OTUD7B: variants seen among roughly 807,000 people sequenced by gnomAD.
OTUD7B encodes OTU deubiquitinase 7B, also known as OTU domain-containing protein 7B.
A neutral mutation model predicts 82.2 loss-of-function variants in OTUD7B; 34 were observed. The ratio of observed to expected loss-of-function variants is 0.41; its 90% CI spans 0.31 to 0.55. OTUD7B has a LOEUF of 0.55. Among genes scored for constraint, OTUD7B ranks in the 20% least tolerant of loss-of-function variants. OTUD7B has a pLI of 0.20. For missense variants in OTUD7B, 944 were observed against 1,062.1 expected, an observed-to-expected ratio of 0.89 and a Z score of 1.55; for synonymous variants, 398 against 402.7, an observed-to-expected ratio of 0.99 and a Z score of 0.14.
At chr1:150,024,581 A>G in the OTUD7B span, among the ~76,000 whole-genome samples, 1 of 152,260 alleles carries the variant, frequency 6.6e-6, no homozygotes, top group African/African-American at 2.4e-5. Context: ...CAAGAATTAT[A>G]AATATATAAA....
chr1:149,950,035 C>T (rs1251460589), intron 8 of OTUD7B, 59 bp downstream of exon 8: 19 of 1,605,704 alleles, frequency 1.2e-5, no homozygotes, highest in Non-Finnish European at 1.6e-5. Flanking sequence ...CAATGCTTAG[C>T]CTAAGGCTTT....
chr1:150,049,189 A>C, the OTUD7B span, among the ~76,000 whole-genome samples: 2 of 152,290 alleles, frequency 1.3e-5, no homozygotes, highest in South Asian at 2.1e-4. Flanking sequence ...TCCAGACAGT[A>C]GTAGTAAAAT....
intron 11 of OTUD7B, among the ~76,000 whole-genome samples, chr1:149,946,822 G>C (rs587757372): frequency 6.6e-6 from 1 of 151,100 alleles, no homozygotes; most frequent in African/African-American, 2.4e-5. Flanking sequence ...GGAGGCTGAG[G>C]CGGGCAGATC....
chr1:149,987,779 C>T (rs974511838), intron 1 of OTUD7B, among the ~76,000 whole-genome samples: 14 of 152,214 alleles, frequency 9.2e-5, no homozygotes, highest in Middle Eastern at 6.3e-3. Context: ...TGTCTTTCAA[C>T]TCAAGCCTTC....
intron 7 of OTUD7B, among the ~76,000 whole-genome samples, chr1:149,951,700 G>C (rs1299297529): frequency 6.6e-6 from 1 of 152,130 alleles, no homozygotes; most frequent in Non-Finnish European, 1.5e-5. Flanking sequence ...TTCTGGGGTG[G>C]AGGTCCAGAA....
intron 11 of OTUD7B, among the ~76,000 whole-genome samples, chr1:149,946,329 C>A (rs1471176488): frequency 6.6e-6 from 1 of 151,926 alleles, no homozygotes; most frequent in African/African-American, 2.4e-5. Flanking sequence ...TGTCATTGCA[C>A]TCCAGCCTGG....
At chr1:149,951,629 T>C (rs1422588331) in intron 7 of OTUD7B, among the ~76,000 whole-genome samples, 2 of 152,120 alleles carry the variant, frequency 1.3e-5, no homozygotes, top group Admixed American at 1.3e-4. Flanking sequence ...TTATTCAATA[T>C]TGGATGCTGA....
chr1:150,058,964 A>G, the OTUD7B span, among the ~76,000 whole-genome samples: 4 of 152,142 alleles, frequency 2.6e-5, no homozygotes, highest in Admixed American at 6.5e-5. Context: ...TCTGTGTTTT[A>G]AAGTAAATAT....
the OTUD7B span, among the ~76,000 whole-genome samples, chr1:150,022,352 C>G: frequency 7.3e-6 from 1 of 137,136 alleles, no homozygotes; most frequent in Admixed American, 8.3e-5. Flanking sequence ...GAGCCAAGAT[C>G]GTGCCATTGC....
chr1:149,968,992 C>T (rs1370120536), intron 3 of OTUD7B, among the ~76,000 whole-genome samples: 14 of 151,968 alleles, frequency 9.2e-5, no homozygotes, highest in African/African-American at 3.4e-4. Context: ...GCTGGGATTA[C>T]AGGCGTGAGC....
At chr1:150,010,167 A>AC in intron 1 of OTUD7B, among the ~76,000 whole-genome samples, 1 of 152,178 alleles carries the variant, frequency 6.6e-6, no homozygotes, top group Non-Finnish European at 1.5e-5. Flanking sequence ...ACAAGGGGGG[A>AC]CCGTCCAAAC....
rs1220689600 is a variant in OTUD7B, at chr1:149,973,858, A to ATT, written c.86-2609_86-2608dup. On this transcript the variant is annotated intron_variant, in intron 2 of 11. Transcript: ENST00000581312. ...ATGAGGTCCTTTTATGCCCCTTCTA[A>ATT]TTTTTTTTTTTTTTTTTGAGATGGA... Among the ~76,000 whole-genome samples the ATT allele has an allele frequency of 3.8e-3, 511 of 132,732 alleles. 9 individuals carry two copies. The highest frequency in any genetic ancestry group is 0.019 in the Admixed American group (239 of 12,624). The allele number at this position is 132,732 out of a possible 152,430, so 87.1% of individuals were successfully genotyped here. A position where few individuals can be genotyped will look rare whatever the true frequency, so the allele number is the denominator to read the frequency against.
intron 1 of OTUD7B, among the ~76,000 whole-genome samples, chr1:150,002,308 C>T (rs142106698): frequency 1.9e-3 from 294 of 151,462 alleles, no homozygotes; most frequent in African/African-American, 7.0e-3. Flanking sequence ...TAAAAGAAAA[C>T]AACTTAAAGG....
the OTUD7B span, among the ~76,000 whole-genome samples, chr1:150,034,279 G>A: frequency 6.6e-6 from 1 of 152,120 alleles, no homozygotes; most frequent in Non-Finnish European, 1.5e-5. Context: ...AAGGTATTGG[G>A]ATCAATTCTA....
At chr1:149,947,185 T>G in intron 11 of OTUD7B, 66 bp downstream of exon 11, 1 of 911,310 alleles carries the variant, frequency 1.1e-6, no homozygotes, top group Non-Finnish European at 1.8e-6. Flanking sequence ...CCATCCCAGA[T>G]CTCCTTGTTC....
intron 1 of OTUD7B, among the ~76,000 whole-genome samples, chr1:149,990,796 G>A (rs1007591510): frequency 5.9e-5 from 9 of 152,002 alleles, no homozygotes; most frequent in Non-Finnish European, 7.4e-5. Context: ...AGGAGTTTGC[G>A]ACCAGCCTAA....
At chr1:150,063,175 G>A in the OTUD7B span, among the ~76,000 whole-genome samples, 3 of 152,140 alleles carry the variant, frequency 2.0e-5, no homozygotes, top group Non-Finnish European at 4.4e-5. Flanking sequence ...TTCTAGGCTA[G>A]GCATGGTGGC....
At chr1:149,994,352 G>A (rs1310173243) in intron 1 of OTUD7B, among the ~76,000 whole-genome samples, 1 of 152,080 alleles carries the variant, frequency 6.6e-6, no homozygotes, top group East Asian at 1.9e-4. Context: ...GGAGGCTGAG[G>A]TGGGCGGATC....
At chr1:149,959,840 G>T in intron 6 of OTUD7B, 44 bp from the exon 7 acceptor site, 1 of 1,239,790 alleles carries the variant, frequency 8.1e-7, no homozygotes, top group South Asian at 1.2e-5. Flanking sequence ...TTAGAGGCTG[G>T]GTTCTAAGAG....
Sources: allele counts gnomAD v4.1 joint callset (sites outside exome capture counted in the v4.1 genomes callset), GRCh38; gene constraint gnomAD v4.1.1; transcripts MANE v1.5; gene names NCBI Gene and HGNC (gene_info 2026-07-23, HGNC 2026-07-21).